The following VWA3A variants were observed in gnomAD, a reference collection of about 807,000 sequenced individuals.
VWA3A encodes the protein von Willebrand factor A domain containing 3A.
Under a neutral mutation model 160.4 loss-of-function variants are expected in VWA3A, and 134 were observed. The ratio of observed to expected loss-of-function variants is 0.84; its 90% CI spans 0.73 to 0.96. The LOEUF is 0.96. Ranked by LOEUF, VWA3A falls within the 40% of genes least tolerant of loss-of-function variation. The pLI is 0.00. For synonymous variants in VWA3A, 476 were observed against 543.4 expected (o/e 0.88, Z 1.72); for missense variants, 1,310 against 1,447.9 (o/e 0.90, Z 1.55).
intron 29 of VWA3A, 66 bp downstream of exon 29, chr16:22,149,997 G>A (rs2046321434): frequency 3.3e-6 from 5 of 1,502,206 alleles, no homozygotes; most frequent in Admixed American, 2.1e-5. Flanking sequence ...TGCTGATGCT[G>A]CACGATGCTT....
At chr16:22,154,613 A>AT (rs896276256) in intron 31 of VWA3A, among the ~76,000 whole-genome samples, 1 of 151,764 alleles carries the variant, frequency 6.6e-6, no homozygotes, top group Non-Finnish European at 1.5e-5. Flanking sequence ...GGTAAGATGT[A>AT]TTTTTAAGGA....
intron 16 of VWA3A, among the ~76,000 whole-genome samples, chr16:22,125,462 C>T (rs1160535019): frequency 2.0e-5 from 3 of 151,972 alleles, no homozygotes; most frequent in African/African-American, 7.3e-5. Context: ...CTCGCTCTGT[C>T]ACCCAGGCTA....
At chr16:22,117,232 G>A (rs2045664369) in intron 11 of VWA3A, 56 bp downstream of exon 11, 2 of 1,540,926 alleles carry the variant, frequency 1.3e-6, no homozygotes, top group African/African-American at 2.7e-5. Context: ...CTGCCTCCAA[G>A]GTTGTACCCA....
intron 6 of VWA3A, 68 bp from the exon 7 acceptor site, chr16:22,109,414 A>C: frequency 7.7e-7 from 1 of 1,302,134 alleles, no homozygotes; most frequent in East Asian, 2.5e-5. Flanking sequence ...TGCGTGGCAC[A>C]GAGCAGCTCA....
rs576718284 is a variant in VWA3A at position 22,106,150 on chromosome 16, C to T, written c.483+2621C>T. 4.5e-4 allele frequency among the ~76,000 whole-genome samples: 69 copies of T among 152,006 alleles called. 1 individual carries two copies. Among genetic ancestry groups the T allele is most frequent in the East Asian group, 4.3e-3 (22 of 5,168 alleles). On this transcript the variant is annotated intron_variant, in intron 6 of 33. Transcript: ENST00000389398. ...CTGTAATCCCAGCACTTTGGGAGGC[C>T]GAGGCAGATGGATCACTTGAGGTCA...
rs764508237 is a variant in VWA3A at position 22,140,187 on chromosome 16, C to T, written c.2326C>T (p.Pro776Ser). ...AGATGACCCTGACAGAGAGAAGAGC[C>T]CCCCGCTGAAATCTCTGAAATGGCG... is the stretch of plus-strand genomic sequence containing the variant. Reference protein sequence around the residue: ...IKDDPDREKSPPLKSLKWRPL... With the variant: ...IKDDPDREKSSPLKSLKWRPL... Residue 776 changes from proline to serine, a missense_variant, in exon 23 of 34, where the codon CCC (proline) becomes TCC (serine). By Grantham distance (74) the Pro-to-Ser change is moderately conservative. Transcript: ENST00000389398. 9.3e-6 allele frequency: 15 copies of T among 1,613,632 alleles called. No individual in the cohort carries two copies. The East Asian group carries it at 2.7e-4, about 29-fold the overall frequency.
Position 22,116,840 on chromosome 16 carries a change from C to T in VWA3A, c.897C>T (p.Thr299=). The T allele has an allele frequency of 6.2e-7, 1 of 1,613,230 alleles. No homozygotes were observed. The highest frequency in any genetic ancestry group is 8.5e-7 in the Non-Finnish European group (1 of 1,179,744). The change falls in exon 10 of 34, where the codon ACC becomes ACT. Residue 299 remains threonine, a synonymous_variant. Transcript: ENST00000389398. ...GAGACCTCATCATCCACTTCATCAC[C>T]TACAGATGCGATGATCAGATGCCCC... is the stretch of plus-strand genomic sequence containing the variant. ...MGRDLIIHFI[T]YRCDDQMPPA...
intron 3 of VWA3A, among the ~76,000 whole-genome samples, chr16:22,099,227 C>T (rs994680609): frequency 3.3e-5 from 5 of 152,094 alleles, no homozygotes; most frequent in Admixed American, 3.3e-4. Context: ...CGACAGGGAC[C>T]TATGATTTTA....
chr16:22,138,175 G>T (rs2046078113), intron 21 of VWA3A, among the ~76,000 whole-genome samples, 185 bp from the exon 22 acceptor site: 1 of 151,394 alleles, frequency 6.6e-6, no homozygotes, highest in East Asian at 2.0e-4. Flanking sequence ...CCCATACCTG[G>T]TCTTACTGTT....
intron 3 of VWA3A, among the ~76,000 whole-genome samples, 160 bp downstream of exon 3, chr16:22,097,855 T>G (rs998091759): frequency 6.6e-6 from 1 of 152,352 alleles, no homozygotes; most frequent in East Asian, 1.9e-4. Flanking sequence ...CAGAAATGAC[T>G]GAAGAATCTC....
intron 24 of VWA3A, among the ~76,000 whole-genome samples, chr16:22,141,955 G>A (rs1202383828): frequency 1.3e-5 from 2 of 152,194 alleles, no homozygotes; most frequent in Non-Finnish European, 2.9e-5. Flanking sequence ...CTGTCCACTA[G>A]GGGCAGTTTC....
chr16:22,102,400 T>C (rs1365439922), intron 5 of VWA3A, among the ~76,000 whole-genome samples: 8 of 152,098 alleles, frequency 5.3e-5, no homozygotes, highest in Non-Finnish European at 1.2e-4. Flanking sequence ...CTTAGCTCTA[T>C]TCATAACTCA....
Position 22,142,766 on chromosome 16 carries a change from G to A in VWA3A, c.2592+1G>A. ...GGATACAGTTTGCTCAAGCCAAGAG[G>A]TATTAAGTCACCCATACTAGCACAT... On this transcript the variant is annotated splice_donor_variant, in intron 25 of 33. Transcript: ENST00000389398. LOFTEE classifies it high-confidence loss of function. The A allele has an allele frequency of 6.4e-7, 1 of 1,562,118 alleles. No individual in the cohort carries two copies. Among genetic ancestry groups the A allele is most frequent in the Non-Finnish European group, 8.7e-7 (1 of 1,151,976 alleles).
intron 17 of VWA3A, among the ~76,000 whole-genome samples, chr16:22,128,061 G>T (rs1184081838): frequency 6.6e-6 from 1 of 152,140 alleles, no homozygotes; most frequent in Admixed American, 6.6e-5. Flanking sequence ...GCAGAGGTGT[G>T]ACGTATGCTA....
intron 29 of VWA3A, 89 bp from the exon 30 acceptor site, chr16:22,150,606 C>T (rs745358102): frequency 1.7e-5 from 25 of 1,443,836 alleles, no homozygotes; most frequent in African/African-American, 5.7e-5. Flanking sequence ...TTGGCAGAGG[C>T]GGCAGCAGGC....
chr16:22,145,412 G>A (rs959474124), intron 26 of VWA3A, among the ~76,000 whole-genome samples: 3 of 152,142 alleles, frequency 2.0e-5, no homozygotes, highest in Admixed American at 2.0e-4. Flanking sequence ...GCCAAGGCGG[G>A]CGGATCACCT....
At chr16:22,151,455 C>T (rs1207884724) in intron 30 of VWA3A, among the ~76,000 whole-genome samples, 1 of 152,224 alleles carries the variant, frequency 6.6e-6, no homozygotes. Context: ...TTACAGTCTC[C>T]CTCCTACTCT....
In VWA3A at chr16:22,144,398, TTCA is replaced by T; in HGVS notation, c.2730+20_2730+22del. ...GTTGAGATCCATGTAAGTCACAATT[TTCA>T]TCATCGTCTTTTTTTTCTCCCCCAA... On this transcript the variant is annotated intron_variant, in intron 26 of 33. Coordinates refer to ENST00000389398, the MANE Select transcript of VWA3A (RefSeq NM_173615.5). The T allele has an allele frequency of 6.2e-7, 1 of 1,610,224 alleles. No individual in the cohort carries two copies. Among genetic ancestry groups the T allele is most frequent in the Non-Finnish European group, 8.5e-7 (1 of 1,178,954 alleles).
chr16:22,116,173 C>A (rs993816318), intron 9 of VWA3A, among the ~76,000 whole-genome samples: 3 of 104,342 alleles, frequency 2.9e-5, no homozygotes, highest in African/African-American at 4.9e-5. Flanking sequence ...AAGAAAGAAA[C>A]AAAGAATGAA....
Sources: allele counts gnomAD v4.1 joint callset (sites outside exome capture counted in the v4.1 genomes callset), GRCh38; gene constraint gnomAD v4.1.1; transcripts MANE v1.5; gene names NCBI Gene and HGNC (gene_info 2026-07-23, HGNC 2026-07-21).